TM9SF3: variants seen among roughly 807,000 people sequenced by gnomAD.
TM9SF3 encodes transmembrane 9 superfamily member 3, also known as SM-11044-binding protein.
A neutral mutation model predicts 78.6 loss-of-function variants in TM9SF3; 14 were observed. The observed-to-expected ratio is 0.18, with a 90% CI of 0.12 to 0.28. The LOEUF is 0.28. Ranked by LOEUF, TM9SF3 falls within the 10% of genes least tolerant of loss-of-function variation. The probability of loss-of-function intolerance (pLI) is 1.00; values close to 1 mark genes in which losing one functional copy is unlikely to be tolerated. For missense variants in TM9SF3, 496 were observed against 721.9 expected (o/e 0.69, Z 3.59); for synonymous variants, 231 against 241.7 (o/e 0.96, Z 0.41).
intron 14 of TM9SF3, 93 bp from the exon 15 acceptor site, chr10:96,522,423 A>G: frequency 9.9e-7 from 1 of 1,005,664 alleles, no homozygotes; most frequent in Non-Finnish European, 1.4e-6. Flanking sequence ...CTGGAAAGTT[A>G]TTCTTTTTTA....
intron 9 of TM9SF3, among the ~76,000 whole-genome samples, chr10:96,543,419 C>T (rs1226044219): frequency 6.7e-6 from 1 of 150,000 alleles, no homozygotes; most frequent in Non-Finnish European, 1.5e-5. Flanking sequence ...ACTGCAACCT[C>T]CACCTCCCAG....
At chr10:96,579,005 A>C (rs1462814366) in intron 1 of TM9SF3, among the ~76,000 whole-genome samples, 1 of 152,252 alleles carries the variant, frequency 6.6e-6, no homozygotes, top group Non-Finnish European at 1.5e-5. Flanking sequence ...TGAACCTGGG[A>C]GGTGGAGGTT....
intron 14 of TM9SF3, 88 bp downstream of exon 14, chr10:96,527,125 T>A (rs1847847330): frequency 1.7e-6 from 2 of 1,159,504 alleles, no homozygotes; most frequent in South Asian, 2.9e-5. Flanking sequence ...AAACAACAGA[T>A]AAAATTTCTT....
At chr10:96,575,494 C>T (rs867741521) in intron 2 of TM9SF3, among the ~76,000 whole-genome samples, 3 of 151,754 alleles carry the variant, frequency 2.0e-5, no homozygotes, top group African/African-American at 4.8e-5. Flanking sequence ...TAAATAGATA[C>T]GGTATACCTA....
At chr10:96,583,066 G>A (rs1299364042) in intron 1 of TM9SF3, among the ~76,000 whole-genome samples, 1 of 141,296 alleles carries the variant, frequency 7.1e-6, no homozygotes, top group Non-Finnish European at 1.5e-5. Context: ...GGCAACAAGA[G>A]TGAAACATAG....
At position 96,550,415 on chromosome 10, in the gene TM9SF3, C is replaced by T. The variant is rs150813367; in HGVS notation, c.959+830G>A. Among the ~76,000 whole-genome samples, 103 of 152,236 alleles carry T rather than the reference C, an allele frequency of 6.8e-4. 1 individual carries two copies. The East Asian group carries it at 0.019, about 27-fold the overall frequency. ...AAGGATGTATTGCTTGCCCATCAAA[C>T]GCCAGGCATATAGAGGAAAGAGTGC... On this transcript the variant is annotated intron_variant, in intron 7 of 14. Transcript: ENST00000371142.
chr10:96,523,793 A>T (rs1263639547), intron 14 of TM9SF3, among the ~76,000 whole-genome samples: 1 of 151,924 alleles, frequency 6.6e-6, no homozygotes, highest in African/African-American at 2.4e-5. Flanking sequence ...TGCAAGTGAG[A>T]GAGAGAATAT....
At chr10:96,578,251 C>T (rs920234926) in intron 1 of TM9SF3, among the ~76,000 whole-genome samples, 2 of 152,112 alleles carry the variant, frequency 1.3e-5, no homozygotes, top group Admixed American at 6.5e-5. Flanking sequence ...ACCTTTTGAA[C>T]ACATGTGACA....
intron 9 of TM9SF3, among the ~76,000 whole-genome samples, chr10:96,542,472 T>A (rs1848045886): frequency 6.6e-6 from 1 of 152,202 alleles, no homozygotes; most frequent in Non-Finnish European, 1.5e-5. Flanking sequence ...CAAATTACAC[T>A]GAATATTAAC....
At position 96,533,032 on chromosome 10, in the gene TM9SF3, G is replaced by A; in HGVS notation, c.1325+19C>T. 1 of 1,613,132 alleles carries A rather than the reference G, an allele frequency of 6.2e-7. No homozygotes were observed. The highest frequency in any genetic ancestry group is 1.1e-5 in the South Asian group (1 of 90,962). On this transcript the variant is annotated intron_variant, in intron 10 of 14. Coordinates refer to ENST00000371142, the MANE Select transcript of TM9SF3 (RefSeq NM_020123.4). ...TATATTGTGTGAAACAATCGCATAA[G>A]ATTTAGCATTCTCTTTACCATTTTT...
intron 4 of TM9SF3, chr10:96,560,242 A>C (rs1848289371): frequency 1.1e-6 from 1 of 906,766 alleles, no homozygotes; most frequent in Non-Finnish European, 1.8e-6. Flanking sequence ...CTATCTTTTC[A>C]GTTGTGAACT....
chr10:96,567,326 C>T (rs1253294653), intron 2 of TM9SF3, among the ~76,000 whole-genome samples: 1 of 152,104 alleles, frequency 6.6e-6, no homozygotes, highest in African/African-American at 2.4e-5. Context: ...CTCAGGTGAA[C>T]CGCCCGCCTC....
In TM9SF3 at chr10:96,585,201, T is replaced by C. The variant is rs147273738; in HGVS notation, c.102+1533A>G. ...TATGCCTGTATCACGGAACTACACA[T>C]TGAGAGTTCTGAGTTTCATATGGTA... On this transcript the variant is annotated intron_variant, in intron 1 of 14. Transcript: ENST00000371142. Among the ~76,000 whole-genome samples the C allele has an allele frequency of 1.4e-3, 214 of 152,270 alleles. 1 individual carries two copies. The highest frequency in any genetic ancestry group is 4.8e-3 in the African/African-American group (201 of 41,550).
chr10:96,535,232 T>C (rs1847943374), intron 9 of TM9SF3, among the ~76,000 whole-genome samples: 1 of 152,222 alleles, frequency 6.6e-6, no homozygotes, highest in Non-Finnish European at 1.5e-5. Context: ...TTGTTAGAAA[T>C]AGTGATTAAG....
At chr10:96,557,720 C>T (rs938395473) in intron 5 of TM9SF3, among the ~76,000 whole-genome samples, 2 of 152,188 alleles carry the variant, frequency 1.3e-5, no homozygotes, top group African/African-American at 4.8e-5. Context: ...ACCTGGAATA[C>T]TCTTTCCCCT....
chr10:96,539,762 C>T (rs962686723), intron 9 of TM9SF3, among the ~76,000 whole-genome samples: 2 of 152,044 alleles, frequency 1.3e-5, no homozygotes, highest in African/African-American at 4.8e-5. Flanking sequence ...AAACCATAAC[C>T]ACTGCTCTCA....
Position 96,522,283 on chromosome 10 carries a change from T to C in TM9SF3, c.1750A>G (p.Thr584Ala). ...GTSAFVRKIY[T>A]NVKID ...GGTCTCTAGTCAATTTTCACATTAG[T>C]ATAGATTTTTCGGACAAAGGCACTT... is the stretch of plus-strand genomic sequence containing the variant. Residue 584 changes from threonine (T) to alanine (A), a missense_variant, in exon 15 of 15, where the codon ACT becomes GCT. Coordinates refer to ENST00000371142, the MANE Select transcript of TM9SF3 (RefSeq NM_020123.4). 6.3e-7 allele frequency: 1 copy of C among 1,587,986 alleles called. No homozygotes were observed. Among genetic ancestry groups the C allele is most frequent in the Non-Finnish European group, 8.5e-7 (1 of 1,171,324 alleles).
intron 3 of TM9SF3, among the ~76,000 whole-genome samples, 197 bp from the exon 4 acceptor site, chr10:96,562,335 G>A (rs1323016771): frequency 1.3e-5 from 2 of 150,574 alleles, no homozygotes; most frequent in East Asian, 3.9e-4. Context: ...CCAAGCAGAT[G>A]CCGCTATGCT....
intron 8 of TM9SF3, 38 bp from the exon 9 acceptor site, chr10:96,544,244 A>C (rs1472080133): frequency 6.7e-7 from 1 of 1,489,928 alleles, no homozygotes; most frequent in African/African-American, 1.4e-5. Context: ...TAATATAATT[A>C]TTTAGTACGA....
Sources: gnomAD v4.1 joint callset for allele counts (sites outside exome capture counted in the v4.1 genomes callset) on GRCh38, gnomAD v4.1.1 for gene constraint, MANE v1.5 for transcripts, NCBI Gene and HGNC (gene_info 2026-07-23, HGNC 2026-07-21) for gene names.